HYDIN: variants seen among roughly 807,000 people sequenced by gnomAD.
HYDIN encodes HYDIN axonemal central pair apparatus protein.
A neutral mutation model predicts 403.9 loss-of-function variants in HYDIN; 132 were observed. The ratio of observed to expected loss-of-function variants is 0.33; its 90% CI spans 0.28 to 0.38. HYDIN has a LOEUF of 0.38. Ranked by LOEUF, HYDIN falls within the 10% of genes least tolerant of loss-of-function variation. HYDIN has a pLI of 1.00. For missense variants in HYDIN, 2,827 were observed against 5,009.5 expected (o/e 0.56, Z 13.15); for synonymous variants, 1,202 against 1,891.7 (o/e 0.64, Z 9.46).
At chr16:70,930,921 T>A (rs1213232932) in intron 45 of HYDIN, among the ~76,000 whole-genome samples, 1 of 152,126 alleles carries the variant, frequency 6.6e-6, no homozygotes, top group Non-Finnish European at 1.5e-5. Flanking sequence ...CTGTGACAAA[T>A]TCTCAAAGGA....
chr16:70,865,183 T>C, intron 67 of HYDIN: 1 of 368,638 alleles, frequency 2.7e-6, no homozygotes, highest in South Asian at 2.1e-5. Context: ...TCATTCTCGC[T>C]TCTTCACTTG....
At chr16:71,207,517 G>C (rs2088362170) in intron 1 of HYDIN, among the ~76,000 whole-genome samples, 2 of 152,092 alleles carry the variant, frequency 1.3e-5, no homozygotes, top group Admixed American at 6.5e-5. Flanking sequence ...ACACAAACAA[G>C]TCTTCATAAT....
At chr16:71,166,979 T>C (rs1238239945) in intron 5 of HYDIN, among the ~76,000 whole-genome samples, 4 of 150,622 alleles carry the variant, frequency 2.7e-5, no homozygotes, top group Non-Finnish European at 4.4e-5. Flanking sequence ...GGCAGAGAAC[T>C]GCTTGAACCC....
intron 8 of HYDIN, chr16:71,133,049 G>A: frequency 2.9e-6 from 1 of 341,790 alleles, no homozygotes; most frequent in East Asian, 7.8e-5. Flanking sequence ...TGGTCTAGTA[G>A]CTACCAACAC....
intron 1 of HYDIN, among the ~76,000 whole-genome samples, chr16:71,222,834 A>G (rs2040862541): frequency 6.6e-6 from 1 of 152,254 alleles, no homozygotes; most frequent in Non-Finnish European, 1.5e-5. Flanking sequence ...GCTGAAATAA[A>G]TAATAGATGA....
intron 39 of HYDIN, among the ~76,000 whole-genome samples, chr16:70,957,256 C>T (rs2078270469): frequency 6.6e-6 from 1 of 151,318 alleles, no homozygotes; most frequent in South Asian, 2.1e-4. Context: ...CCTTTTGTGA[C>T]TGTCCTATTT....
rs1423402433 is a variant in HYDIN, at chr16:70,866,178, C to T, written c.11462G>A (p.Arg3821Gln). The stretch of plus-strand genomic sequence containing the variant: ...ACTTTTGATGACTCACTCAAACACT[C>T]GGGTCTGGTAAACCAAGGTTTCCTT... ...RFKETLVYQT[R>Q]VFEFDVINSG... Residue 3821 changes from arginine to glutamine, a missense_variant, in exon 67 of 86, where the codon CGA becomes CAA. Coordinates refer to ENST00000393567, the MANE Select transcript of HYDIN (RefSeq NM_001270974.2). The T allele has an allele frequency of 1.6e-5, 26 of 1,598,166 alleles. No homozygotes were observed. Among genetic ancestry groups the T allele is most frequent in the South Asian group, 2.3e-5 (2 of 88,202 alleles).
intron 78 of HYDIN, 41 bp from the exon 79 acceptor site, chr16:70,834,205 A>G (rs2037212222): frequency 1.3e-6 from 2 of 1,554,618 alleles, no homozygotes; most frequent in Non-Finnish European, 1.7e-6. Context: ...TGAGGGTGGG[A>G]GGCCCCTAAG....
intron 25 of HYDIN, among the ~76,000 whole-genome samples, chr16:70,990,917 A>G (rs2079329760): frequency 6.6e-6 from 1 of 152,260 alleles, no homozygotes; most frequent in Non-Finnish European, 1.5e-5. Context: ...ACAGCAATTT[A>G]TCTTTCATTT....
At chr16:70,837,431 G>A (rs2037506483) in intron 77 of HYDIN, among the ~76,000 whole-genome samples, 1 of 152,206 alleles carries the variant, frequency 6.6e-6, no homozygotes, top group Non-Finnish European at 1.5e-5. Flanking sequence ...TTTCTCTAGT[G>A]TCTGTAATTA....
intron 83 of HYDIN, among the ~76,000 whole-genome samples, chr16:70,819,148 C>T (rs1597033882): frequency 6.6e-6 from 1 of 151,668 alleles, no homozygotes; most frequent in Admixed American, 6.6e-5. Context: ...CTCCTGACCT[C>T]GAGTGATCTG....
chr16:70,980,318 C>G (rs953790792), intron 29 of HYDIN, among the ~76,000 whole-genome samples: 1 of 148,544 alleles, frequency 6.7e-6, no homozygotes, highest in African/African-American at 2.5e-5. Context: ...GCCTGGGTAA[C>G]AAAGTAAGAT....
At chr16:71,217,648 T>A (rs1397063299) in intron 1 of HYDIN, among the ~76,000 whole-genome samples, 2 of 152,190 alleles carry the variant, frequency 1.3e-5, no homozygotes, top group Non-Finnish European at 2.9e-5. Context: ...TGCACCCTCA[T>A]AATAAGGTGC....
intron 44 of HYDIN, among the ~76,000 whole-genome samples, chr16:70,937,356 G>A (rs1481646702): frequency 6.7e-6 from 1 of 149,492 alleles, no homozygotes; most frequent in Non-Finnish European, 1.5e-5. Context: ...AGAAAGATCA[G>A]GGCACACCCA....
At chr16:70,862,925 C>A (rs2039502127) in intron 68 of HYDIN, among the ~76,000 whole-genome samples, 160 bp downstream of exon 68, 1 of 151,692 alleles carries the variant, frequency 6.6e-6, no homozygotes, top group African/African-American at 2.4e-5. Context: ...TTTTGGAGTC[C>A]CTCAGGCCCA....
chr16:71,204,909 G>A (rs1015181573), intron 1 of HYDIN, among the ~76,000 whole-genome samples: 3 of 152,096 alleles, frequency 2.0e-5, no homozygotes, highest in African/African-American at 7.2e-5. Context: ...AACCATCCAT[G>A]TAAACACAAT....
chr16:71,187,512 A>C (rs940058064), intron 1 of HYDIN, among the ~76,000 whole-genome samples: 3 of 152,194 alleles, frequency 2.0e-5, no homozygotes, highest in African/African-American at 7.2e-5. Flanking sequence ...GAACACTTGC[A>C]ACTTCAGAAA....
At chr16:70,923,754 G>C (rs2077070480) in intron 45 of HYDIN, among the ~76,000 whole-genome samples, 1 of 147,764 alleles carries the variant, frequency 6.8e-6, no homozygotes, top group African/African-American at 2.5e-5. Context: ...CAGGGAGGCA[G>C]AGCTTGCAGT....
chr16:70,971,480 C>T (rs1406684873), intron 35 of HYDIN, among the ~76,000 whole-genome samples: 1 of 151,514 alleles, frequency 6.6e-6, no homozygotes, highest in Non-Finnish European at 1.5e-5. Flanking sequence ...TGCAGATCCT[C>T]AGATTCCATC....
Sources: gnomAD v4.1 joint callset for allele counts (sites outside exome capture counted in the v4.1 genomes callset) on GRCh38, gnomAD v4.1.1 for gene constraint, MANE v1.5 for transcripts, NCBI Gene and HGNC (gene_info 2026-07-23, HGNC 2026-07-21) for gene names.